Variants in GPHN observed in about 807,000 individuals in gnomAD.
GPHN encodes gephyrin.
Under a neutral mutation model 95.5 loss-of-function variants are expected in GPHN, and 17 were observed. That is an observed-to-expected ratio of 0.18 (90% CI 0.12 to 0.27). GPHN has a LOEUF of 0.27. GPHN is among the 10% of genes least tolerant of loss of function. The pLI, the probability that GPHN is intolerant of heterozygous loss-of-function variation, is 1.00. For synonymous variants in GPHN, 320 were observed against 322.5 expected (o/e 0.99, Z 0.08); for missense variants, 660 against 978.1 (o/e 0.67, Z 4.34).
chr14:67,405,224 CAAAAAAAAAAAAAA>C, the GPHN span, among the ~76,000 whole-genome samples: 2 of 40,482 alleles, frequency 4.9e-5, no homozygotes, highest in South Asian at 7.8e-4. Context: ...GAGTCCATCT[CAAAAAAAAAAAAAA>C]AAAAAAAAGA....
intron 1 of GPHN, among the ~76,000 whole-genome samples, chr14:66,519,652 C>G (rs1344398600): frequency 6.6e-6 from 1 of 152,072 alleles, no homozygotes; most frequent in Non-Finnish European, 1.5e-5. Flanking sequence ...GGCTGCCTGA[C>G]CTTGATAGGC....
At chr14:67,411,911 G>A in the GPHN span, 31 of 1,038,372 alleles carry the variant, frequency 3.0e-5, no homozygotes, top group South Asian at 4.6e-4. Flanking sequence ...GGTTGGGGAT[G>A]GGAACCAGAG....
chr14:66,950,961 G>A (rs1279510146), intron 8 of GPHN, among the ~76,000 whole-genome samples: 3 of 152,020 alleles, frequency 2.0e-5, no homozygotes, highest in Admixed American at 6.6e-5. Flanking sequence ...TTTCACTCTT[G>A]TTGCCCAGGC....
rs2077013646 is a variant in GPHN at position 67,088,847 on chromosome 14, G to A, written c.1145-136G>A. 78 of 685,892 alleles carry A rather than the reference G, an allele frequency of 1.1e-4. 1 individual carries two copies. In the South Asian group the frequency reaches 1.2e-3, roughly 10 times the overall value. The allele number at this position is 685,892 out of a possible 1,614,324, so 42.5% of individuals were successfully genotyped here. A position where few individuals can be genotyped will look rare whatever the true frequency, so the allele number is the denominator to read the frequency against. On this transcript the variant is annotated intron_variant, in intron 11 of 22. Coordinates refer to ENST00000478722, the MANE Select transcript of GPHN (RefSeq NM_020806.5). ...GCATCTCTTCTATCTCCTGTTTCTTGGGACAGAAATCAGGAGTTCTGACTG... is the reference window on the plus strand; with the variant it reads ...GCATCTCTTCTATCTCCTGTTTCTTAGGACAGAAATCAGGAGTTCTGACTG...
intron 2 of GPHN, among the ~76,000 whole-genome samples, chr14:66,765,742 C>G (rs2058941232): frequency 1.3e-5 from 2 of 151,570 alleles, no homozygotes; most frequent in Non-Finnish European, 2.9e-5. Flanking sequence ...CAAACCTGCA[C>G]ATGTACTACT....
At chr14:66,816,598 AAACTAAT>A (rs2060977404) in intron 3 of GPHN, among the ~76,000 whole-genome samples, 5 of 152,220 alleles carry the variant, frequency 3.3e-5, no homozygotes, top group Admixed American at 3.3e-4. Flanking sequence ...AAGTTCTTTG[AAACTAAT>A]GTGGACAAAG....
intron 2 of GPHN, among the ~76,000 whole-genome samples, chr14:66,773,494 C>G (rs748425463): frequency 1.3e-5 from 2 of 151,738 alleles, no homozygotes; most frequent in African/African-American, 4.8e-5. Context: ...GCTGGGATTA[C>G]GGGTGCTCGC....
At chr14:67,278,995 T>C in the GPHN span, 3 of 569,624 alleles carry the variant, frequency 5.3e-6, no homozygotes, top group Non-Finnish European at 8.5e-6. Flanking sequence ...TTACACTTTT[T>C]TCCCCCCCAT....
chr14:66,649,717 C>A (rs996397519), intron 1 of GPHN, among the ~76,000 whole-genome samples: 2 of 152,082 alleles, frequency 1.3e-5, no homozygotes, highest in Non-Finnish European at 2.9e-5. Flanking sequence ...TGCACAGAGA[C>A]CATAGTAAAT....
At chr14:67,694,615 T>C in the GPHN span, among the ~76,000 whole-genome samples, 1 of 151,504 alleles carries the variant, frequency 6.6e-6, no homozygotes. Flanking sequence ...GAGGATCTTG[T>C]AGTGAAAAAA....
chr14:67,227,413 C>T, the GPHN span: 5 of 143,806 alleles, frequency 3.5e-5, no homozygotes, highest in Admixed American at 7.2e-5. Flanking sequence ...GTACTGTAGC[C>T]GGGGCAACAG....
At chr14:67,018,132 C>A (rs1043118162) in intron 9 of GPHN, among the ~76,000 whole-genome samples, 4 of 152,052 alleles carry the variant, frequency 2.6e-5, no homozygotes, top group Non-Finnish European at 5.9e-5. Context: ...ATATTATAAA[C>A]TTCTATAAGT....
chr14:67,596,295 A>ATTTTTTTTT, the GPHN span, among the ~76,000 whole-genome samples: 69 of 60,216 alleles, frequency 1.1e-3, 11 homozygotes, highest in East Asian at 0.02. Flanking sequence ...CGCCCAGCTA[A>ATTTTTTTTT]TTTTTTTTTT....
chr14:67,465,441 C>T, the GPHN span, among the ~76,000 whole-genome samples: 98 of 128,758 alleles, frequency 7.6e-4, 6 homozygotes, highest in Non-Finnish European at 9.5e-4. Context: ...GCTAAGGTGT[C>T]GAGCTTGATC....
chr14:67,726,923 C>A, the GPHN span: 1 of 1,512,336 alleles, frequency 6.6e-7, no homozygotes. Context: ...TTGGCTCCCA[C>A]ATGCTGAGCC....
At chr14:67,524,195 T>C in the GPHN span, among the ~76,000 whole-genome samples, 7 of 152,294 alleles carry the variant, frequency 4.6e-5, no homozygotes, top group East Asian at 1.4e-3. Flanking sequence ...GGGCTCAATC[T>C]TCCCGCCTCA....
At chr14:67,489,531 C>G in the GPHN span, among the ~76,000 whole-genome samples, 1 of 152,212 alleles carries the variant, frequency 6.6e-6, no homozygotes, top group Non-Finnish European at 1.5e-5. Flanking sequence ...GCACTGTCAT[C>G]TCTCCTGCCC....
intron 9 of GPHN, among the ~76,000 whole-genome samples, chr14:67,006,058 C>A (rs1047789491): frequency 9.6e-5 from 12 of 124,594 alleles, no homozygotes; most frequent in Non-Finnish European, 1.4e-4. Flanking sequence ...AGGCAATTAC[C>A]ATAGTTTTTC....
chr14:66,895,000 A>C (rs915999061), intron 5 of GPHN, among the ~76,000 whole-genome samples: 3 of 152,226 alleles, frequency 2.0e-5, no homozygotes, highest in African/African-American at 7.2e-5. Context: ...CAGCCATCCC[A>C]TTACTGGGTA....
Sources: allele counts gnomAD v4.1 joint callset (sites outside exome capture counted in the v4.1 genomes callset), GRCh38; gene constraint gnomAD v4.1.1; transcripts MANE v1.5; gene names NCBI Gene and HGNC (gene_info 2026-07-23, HGNC 2026-07-21).